Variants in MALRD1 observed in about 807,000 individuals in gnomAD.
The protein encoded by MALRD1 is MAM and LDL-receptor class A domain-containing protein 1.
Under a neutral mutation model 242.1 loss-of-function variants are expected in MALRD1, and 247 were observed. The ratio of observed to expected loss-of-function variants is 1.02; its 90% CI spans 0.92 to 1.13. MALRD1 has a LOEUF of 1.13. MALRD1 is among the 50% of genes most tolerant of loss of function. The probability of loss-of-function intolerance (pLI) is 0.00; values close to 1 mark genes in which losing one functional copy is unlikely to be tolerated. For synonymous variants in MALRD1, 995 were observed against 866.6 expected (o/e 1.15, Z -2.60); for missense variants, 2,989 against 2,533.1 (o/e 1.18, Z -3.86).
In MALRD1 at chr10:19,707,464, T is replaced by A. The variant is rs369706801; in HGVS notation, c.6314+14910T>A. 4.6e-5 allele frequency among the ~76,000 whole-genome samples: 7 copies of A among 152,306 alleles called. No homozygotes were observed. In the East Asian group the frequency reaches 1.2e-3, roughly 25 times the overall value. ...AAACAGAAGAAGACAAGAGCATGTC[T>A]GTGTTTAAGAGAAGAATGCAGAGTG... On this transcript the variant is annotated intron_variant, in intron 38 of 39. Coordinates refer to ENST00000454679, the MANE Select transcript of MALRD1 (RefSeq NM_001142308.3).
intron 2 of MALRD1, among the ~76,000 whole-genome samples, chr10:19,076,313 A>G (rs1246482315): frequency 6.6e-6 from 1 of 151,796 alleles, no homozygotes; most frequent in Non-Finnish European, 1.5e-5. Flanking sequence ...CCATCTATCT[A>G]TGTACTTACT....
At chr10:19,579,625 A>G (rs1189266764) in intron 33 of MALRD1, among the ~76,000 whole-genome samples, 4 of 152,180 alleles carry the variant, frequency 2.6e-5, no homozygotes, top group Non-Finnish European at 4.4e-5. Flanking sequence ...ATATCCTATC[A>G]TCTGATATAT....
At chr10:19,448,434 T>G (rs1220220551) in intron 28 of MALRD1, among the ~76,000 whole-genome samples, 1 of 147,598 alleles carries the variant, frequency 6.8e-6, no homozygotes, top group Non-Finnish European at 1.5e-5. Flanking sequence ...TGTGTATATA[T>G]GTATATTTTT....
In MALRD1 at chr10:19,734,416, C is replaced by G. The variant is rs1225917212; in HGVS notation, c.*179C>G. On this transcript the variant is annotated 3_prime_UTR_variant, in exon 40 of 40. Coordinates refer to ENST00000454679, the MANE Select transcript of MALRD1 (RefSeq NM_001142308.3). ...AATATAGAGAATGTTTATATGGAATCAGAATCAGTACCTTATCTTCACTGA... is the reference window on the plus strand; with the variant it reads ...AATATAGAGAATGTTTATATGGAATGAGAATCAGTACCTTATCTTCACTGA... The G allele has an allele frequency of 1.3e-5, 6 of 475,686 alleles. No homozygotes were observed. The highest frequency in any genetic ancestry group is 1.8e-5 in the Non-Finnish European group (5 of 272,806). 29.5% of individuals were successfully genotyped at this position (475,686 alleles called of 1,614,324 possible). A position where few individuals can be genotyped will look rare whatever the true frequency, so the allele number is the denominator to read the frequency against.
chr10:19,721,370 C>T (rs1400919690), intron 38 of MALRD1, among the ~76,000 whole-genome samples: 1 of 152,108 alleles, frequency 6.6e-6, no homozygotes, highest in African/African-American at 2.4e-5. Flanking sequence ...TTAGGGTTTA[C>T]TTCTGTGGGA....
intron 26 of MALRD1, among the ~76,000 whole-genome samples, chr10:19,366,355 C>T (rs1303824346): frequency 2.0e-5 from 3 of 151,976 alleles, no homozygotes; most frequent in African/African-American, 7.2e-5. Context: ...GAGAAGCTAG[C>T]GCTGCTGATG....
chr10:19,191,127 C>A (rs1439761587), intron 14 of MALRD1, among the ~76,000 whole-genome samples: 1 of 152,102 alleles, frequency 6.6e-6, no homozygotes, highest in African/African-American at 2.4e-5. Flanking sequence ...CAGCTCAATT[C>A]AAAAATAGAC....
intron 18 of MALRD1, among the ~76,000 whole-genome samples, chr10:19,249,073 A>G (rs1223029050): frequency 1.3e-5 from 2 of 149,554 alleles, no homozygotes; most frequent in Non-Finnish European, 3.0e-5. Flanking sequence ...GTGCACATAT[A>G]TATATGCACA....
intron 28 of MALRD1, among the ~76,000 whole-genome samples, chr10:19,439,553 G>GGA (rs1834517406): frequency 6.6e-6 from 1 of 151,258 alleles, no homozygotes. Context: ...AAAAGTGGGG[G>GGA]ATAAATATTA....
At chr10:19,459,413 G>A (rs968037480) in intron 29 of MALRD1, among the ~76,000 whole-genome samples, 1 of 152,088 alleles carries the variant, frequency 6.6e-6, no homozygotes, top group African/African-American at 2.4e-5. Context: ...TGCTTGAATT[G>A]ATTTGAGACA....
chr10:19,107,336 T>C (rs192521998), intron 5 of MALRD1, among the ~76,000 whole-genome samples: 1 of 152,100 alleles, frequency 6.6e-6, no homozygotes, highest in East Asian at 1.9e-4. Context: ...TATTTACAAG[T>C]ATTTTATCCT....
At chr10:19,314,772 A>G (rs1259933011) in intron 21 of MALRD1, among the ~76,000 whole-genome samples, 2 of 151,422 alleles carry the variant, frequency 1.3e-5, no homozygotes, top group African/African-American at 4.8e-5. Flanking sequence ...CAGAGACCAT[A>G]TAGCCTTCAA....
At chr10:19,262,942 A>G (rs186264211) in intron 19 of MALRD1, among the ~76,000 whole-genome samples, 2 of 152,198 alleles carry the variant, frequency 1.3e-5, no homozygotes, top group Admixed American at 6.5e-5. Context: ...CATTATTCTA[A>G]TTTCATAAAG....
intron 26 of MALRD1, among the ~76,000 whole-genome samples, chr10:19,381,232 C>T (rs1425923089): frequency 6.6e-6 from 1 of 151,388 alleles, no homozygotes; most frequent in Non-Finnish European, 1.5e-5. Flanking sequence ...CTACAAAGGA[C>T]ATGAACTCAT....
chr10:19,661,034 A>G (rs1026523453), intron 36 of MALRD1, among the ~76,000 whole-genome samples: 3 of 152,214 alleles, frequency 2.0e-5, no homozygotes, highest in African/African-American at 7.2e-5. Context: ...ACATGAAAAA[A>G]TGCTCATCAT....
At chr10:19,423,581 A>C (rs1833793244) in intron 28 of MALRD1, among the ~76,000 whole-genome samples, 1 of 152,018 alleles carries the variant, frequency 6.6e-6, no homozygotes, top group Non-Finnish European at 1.5e-5. Context: ...TGATGCTCTG[A>C]GTGTCTATAG....
intron 24 of MALRD1, among the ~76,000 whole-genome samples, chr10:19,337,158 A>T (rs10740876): frequency 6.6e-6 from 1 of 151,672 alleles, no homozygotes; most frequent in African/African-American, 2.4e-5. Flanking sequence ...GTGTATGTGT[A>T]TATGTACATA....
At chr10:19,129,366 G>A (rs1193370965) in intron 8 of MALRD1, among the ~76,000 whole-genome samples, 1 of 152,128 alleles carries the variant, frequency 6.6e-6, no homozygotes, top group Non-Finnish European at 1.5e-5. Context: ...ATATGGAAGA[G>A]ATGAATAGGG....
intron 11 of MALRD1, among the ~76,000 whole-genome samples, chr10:19,153,478 G>A (rs752173270): frequency 5.9e-5 from 9 of 152,018 alleles, no homozygotes; most frequent in Non-Finnish European, 1.3e-4. Context: ...CACTTTGAAG[G>A]GCCAAGGCAG....
Sources: allele counts gnomAD v4.1 joint callset (sites outside exome capture counted in the v4.1 genomes callset), GRCh38; gene constraint gnomAD v4.1.1; transcripts MANE v1.5; gene names NCBI Gene and HGNC (gene_info 2026-07-23, HGNC 2026-07-21).